PARP16: variants seen among roughly 807,000 people sequenced by gnomAD.
PARP16 encodes poly(ADP-ribose) polymerase family member 16.
Under a neutral mutation model 35.0 loss-of-function variants are expected in PARP16, and 31 were observed. The ratio of observed to expected loss-of-function variants is 0.88; its 90% CI spans 0.66 to 1.19. The LOEUF (loss-of-function observed/expected upper bound fraction) is 1.19, where lower values mean the gene tolerates loss of function less well. PARP16 is among the 50% of genes most tolerant of loss of function. The pLI is 0.00. For missense variants in PARP16, 424 were observed against 411.2 expected (o/e 1.03, Z -0.27); for synonymous variants, 162 against 169.5 (o/e 0.96, Z 0.34).
At chr15:65,256,597 C>T (rs370626360), downstream of PARP16, among the ~76,000 whole-genome samples, 3 of 151,864 alleles carry the variant, frequency 2.0e-5, no homozygotes, top group Non-Finnish European at 2.9e-5. Context: ...TTAGTAGAGA[C>T]GGGGTTTCAC....
rs748112095 is a variant in PARP16, at chr15:65,259,555, GAA to G, written c.834-15_834-14del. 4 of 1,607,586 alleles carry G rather than the reference GAA, an allele frequency of 2.5e-6. No homozygotes were observed. The highest frequency in any genetic ancestry group is 2.2e-5 in the South Asian group (2 of 90,214). On this transcript the variant is annotated splice_polypyrimidine_tract_variant and intron_variant, in intron 5 of 5. Coordinates refer to ENST00000649807, the MANE Select transcript of PARP16 (RefSeq NM_001316943.2). ...CTGGCTCGAAGCCCTGCTTAAGAGG[GAA>G]AAAAGAGTGGTGTTGGCAAAAAGAG...
Position 65,259,065 on chromosome 15 carries a change from G to A in PARP16, c.*342C>T, listed in dbSNP as rs1277471704. 1 of 190,050 alleles carries A rather than the reference G, an allele frequency of 5.3e-6. No individual in the cohort carries two copies. Among genetic ancestry groups the A allele is most frequent in the African/African-American group, 2.3e-5 (1 of 43,212 alleles). 11.8% of individuals were successfully genotyped at this position (190,050 alleles called of 1,614,324 possible). A position where few individuals can be genotyped will look rare whatever the true frequency, so the allele number is the denominator to read the frequency against. ...GGGCCAACCTCTGCCAGGAGAGATT[G>A]TAAACACACCACTGACAGCTTGGAC... On this transcript the variant is annotated 3_prime_UTR_variant, in exon 6 of 6. Coordinates refer to ENST00000649807, the MANE Select transcript of PARP16 (RefSeq NM_001316943.2).
Position 65,278,683 on chromosome 15 carries a change from G to A in PARP16, c.174+7570C>T, listed in dbSNP as rs148290410. Among the ~76,000 whole-genome samples, 13 of 152,328 alleles carry A rather than the reference G, an allele frequency of 8.5e-5. No individual in the cohort carries two copies. The East Asian group carries it at 2.1e-3, about 25-fold the overall frequency. ...TGTGATTACAGATGTGGGTACAAGT[G>A]ATTCTTATCATCAGGAAAAGCTGGA... On this transcript the variant is annotated intron_variant, in intron 1 of 5. Coordinates refer to ENST00000649807, the MANE Select transcript of PARP16 (RefSeq NM_001316943.2).
chr15:65,245,896 A>T (rs780580397), intron 3 of PARP16, among the ~76,000 whole-genome samples: 1 of 152,132 alleles, frequency 6.6e-6, no homozygotes, highest in Non-Finnish European at 1.5e-5. Flanking sequence ...AATTTTTTTC[A>T]AGAGGAAAAT....
chr15:65,268,931 T>C (rs1402183321), intron 2 of PARP16, among the ~76,000 whole-genome samples: 1 of 151,956 alleles, frequency 6.6e-6, no homozygotes, highest in Non-Finnish European at 1.5e-5. Flanking sequence ...ATTTTTGTAT[T>C]TTTATTAGAG....
chr15:65,251,986 G>T (rs930089056), intron 2 of PARP16, among the ~76,000 whole-genome samples: 1 of 152,024 alleles, frequency 6.6e-6, no homozygotes, highest in East Asian at 1.9e-4. Flanking sequence ...GGATGGTCTC[G>T]ATCTCCTGAC....
At chr15:65,252,011 G>A (rs1166085504) in intron 2 of PARP16, among the ~76,000 whole-genome samples, 3 of 152,058 alleles carry the variant, frequency 2.0e-5, no homozygotes, top group African/African-American at 4.8e-5. Context: ...TGATCCACCC[G>A]CCTCGGCCTC....
At chr15:65,247,806 T>TG (rs2089248840) in intron 3 of PARP16, among the ~76,000 whole-genome samples, 1 of 147,520 alleles carries the variant, frequency 6.8e-6, no homozygotes, top group South Asian at 2.2e-4. Flanking sequence ...TTCTTTTTTT[T>TG]TTTTTTTTTT....
At chr15:65,284,299 A>T (rs2090509900) in intron 1 of PARP16, among the ~76,000 whole-genome samples, 1 of 145,148 alleles carries the variant, frequency 6.9e-6, no homozygotes. Flanking sequence ...TAATTTTTGC[A>T]TTCATACTCA....
chr15:65,264,385 A>G (rs1320566444), intron 3 of PARP16, among the ~76,000 whole-genome samples: 1 of 152,234 alleles, frequency 6.6e-6, no homozygotes, highest in Non-Finnish European at 1.5e-5. Flanking sequence ...TTCAACTGCT[A>G]TCCCTGAGCC....
At chr15:65,269,150 C>T (rs1247714123) in intron 2 of PARP16, among the ~76,000 whole-genome samples, 1 of 143,700 alleles carries the variant, frequency 7.0e-6, no homozygotes. Context: ...GACAATGGGT[C>T]ACACCTGGCC....
At position 65,267,678 on chromosome 15, in the gene PARP16, C is replaced by CTTTTTTTTTTTTTTT. The variant is rs556058787; in HGVS notation, c.313-925_313-911dup. Among the ~76,000 whole-genome samples, 2 of 53,034 alleles carry CTTTTTTTTTTTTTTT rather than the reference C, an allele frequency of 3.8e-5. 1 individual carries two copies. The highest frequency in any genetic ancestry group is 1.5e-4 in the African/African-American group (2 of 13,740). The allele number at this position is 53,034 out of a possible 152,430, so 34.8% of individuals were successfully genotyped here. A position where few individuals can be genotyped will look rare whatever the true frequency, so the allele number is the denominator to read the frequency against. ...TGGAGATCACTTCTAATTTTCCTAA[C>CTTTTTTTTTTTTTTT]TTTTTTTTTTTTTTTTTTTTTTTTT... On this transcript the variant is annotated intron_variant, in intron 2 of 5. Transcript: ENST00000649807.
intron 1 of PARP16, chr15:65,285,700 A>G (rs2090569351): frequency 1.1e-5 from 2 of 187,298 alleles, no homozygotes; most frequent in Non-Finnish European, 2.2e-5. Flanking sequence ...CATTTGGATT[A>G]TAAGGATAAC....
intron 1 of PARP16, among the ~76,000 whole-genome samples, chr15:65,274,106 C>T (rs575906841): frequency 1.3e-5 from 2 of 151,766 alleles, no homozygotes; most frequent in East Asian, 3.9e-4. Flanking sequence ...CCATGCCCAG[C>T]TAATTTTTTT....
intron 2 of PARP16, among the ~76,000 whole-genome samples, chr15:65,250,445 T>A (rs1200697935): frequency 2.0e-5 from 3 of 152,044 alleles, no homozygotes; most frequent in African/African-American, 7.2e-5. Context: ...TCCTTTAGAG[T>A]CAGCCCTGGT....
At chr15:65,280,122 C>T (rs2090376167) in intron 1 of PARP16, among the ~76,000 whole-genome samples, 1 of 151,984 alleles carries the variant, frequency 6.6e-6, no homozygotes, top group Non-Finnish European at 1.5e-5. Flanking sequence ...TGGAAATAAG[C>T]ATCGAAAGCC....
chr15:65,282,632 C>G (rs1444685392), intron 1 of PARP16: 1 of 152,160 alleles, frequency 6.6e-6, no homozygotes, highest in Non-Finnish European at 1.5e-5. Context: ...ACAATGGTGC[C>G]CTATAAGGAA....
intron 4 of PARP16, among the ~76,000 whole-genome samples, chr15:65,262,214 C>T (rs1452789336): frequency 6.7e-6 from 1 of 150,108 alleles, no homozygotes; most frequent in Non-Finnish European, 1.5e-5. Flanking sequence ...ATTACTGCAA[C>T]CTCTGCCTCC....
At chr15:65,254,004 G>T (rs2089434445), downstream of PARP16, among the ~76,000 whole-genome samples, 1 of 152,072 alleles carries the variant, frequency 6.6e-6, no homozygotes, top group African/African-American at 2.4e-5. Context: ...TTTTAGTAGA[G>T]AAGGGGTTTC....
Sources: gnomAD v4.1 joint callset for allele counts (sites outside exome capture counted in the v4.1 genomes callset) on GRCh38, gnomAD v4.1.1 for gene constraint, MANE v1.5 for transcripts, NCBI Gene and HGNC (gene_info 2026-07-23, HGNC 2026-07-21) for gene names.